Variants in SMAP1 observed in about 807,000 individuals in gnomAD.
The protein encoded by SMAP1 is small ArfGAP 1.
SMAP1 carries 24 observed loss-of-function variants against 58.5 expected under a neutral mutation model. The observed-to-expected ratio is 0.41, with a 90% CI of 0.30 to 0.58. SMAP1 has a LOEUF of 0.58. Ranked by LOEUF, SMAP1 falls within the 20% of genes least tolerant of loss-of-function variation. SMAP1 has a pLI of 0.29. For synonymous variants in SMAP1, 216 were observed against 196.6 expected (o/e 1.10, Z -0.82); for missense variants, 563 against 566.3 (o/e 0.99, Z 0.06).
intron 1 of SMAP1, among the ~76,000 whole-genome samples, chr6:70,702,372 G>A (rs1767665548): frequency 7.1e-6 from 1 of 141,258 alleles, no homozygotes. Flanking sequence ...GCAGAGCTCA[G>A]TTACATGCTT....
chr6:70,679,178 C>G (rs1260097513), intron 1 of SMAP1, among the ~76,000 whole-genome samples: 1 of 151,886 alleles, frequency 6.6e-6, no homozygotes, highest in African/African-American at 2.4e-5. Context: ...GCCACCACAC[C>G]CGCCTAATTT....
chr6:70,676,236 C>A lies in SMAP1; in HGVS notation c.118+8095C>A, dbSNP rs1033864129. On this transcript the variant is annotated intron_variant, in intron 1 of 10. Coordinates refer to ENST00000370455, the MANE Select transcript of SMAP1 (RefSeq NM_001044305.3). ...CAACTGTATATTGAATCTTTTGAAT[C>A]TTCTTAGCAAATTACTGAACATGAG... Among the ~76,000 whole-genome samples the A allele has an allele frequency of 3.9e-5, 6 of 152,152 alleles. No individual in the cohort carries two copies. The South Asian group carries it at 1.0e-3, about 26-fold the overall frequency.
intron 6 of SMAP1, among the ~76,000 whole-genome samples, chr6:70,835,562 G>A (rs1469244270): frequency 3.9e-5 from 6 of 152,076 alleles, no homozygotes; most frequent in Admixed American, 2.0e-4. Context: ...CTGGAACTGC[G>A]GTAGTGCAAT....
chr6:70,780,592 A>C (rs1240825744), intron 4 of SMAP1, among the ~76,000 whole-genome samples: 1 of 152,162 alleles, frequency 6.6e-6, no homozygotes, highest in Non-Finnish European at 1.5e-5. Context: ...AAAAAAGAAA[A>C]AGAGAAATCT....
In SMAP1 at chr6:70,798,719, A is replaced by G. The variant is rs1417994055; in HGVS notation, c.558A>G (p.Lys186=). ...KREKEPEKPA[K]PLTAEKLQKK... ...AAAAGGAGCCAGAAAAGCCGGCAAA[A>G]CCACTTACAGCTGAAAAGGTAAAAT... The change falls in exon 6 of 11, where the codon AAA becomes AAG. Residue 186 remains lysine (K), a synonymous_variant. Transcript: ENST00000370455. The G allele has an allele frequency of 6.4e-7, 1 of 1,563,322 alleles. No homozygotes were observed. Among genetic ancestry groups the G allele is most frequent in the East Asian group, 2.3e-5 (1 of 43,132 alleles).
intron 4 of SMAP1, among the ~76,000 whole-genome samples, chr6:70,776,577 A>G (rs967545525): frequency 6.6e-6 from 1 of 152,170 alleles, no homozygotes; most frequent in African/African-American, 2.4e-5. Flanking sequence ...CTATAATACT[A>G]CAGAACACTA....
At chr6:70,668,231 C>T in intron 1 of SMAP1, 90 bp downstream of exon 1, 1 of 1,220,280 alleles carries the variant, frequency 8.2e-7, no homozygotes, top group Non-Finnish European at 1.2e-6. Flanking sequence ...CGAGCGGACG[C>T]CTCGGCTTCG....
At chr6:70,676,554 C>T (rs866971025) in intron 1 of SMAP1, among the ~76,000 whole-genome samples, 85 of 152,188 alleles carry the variant, frequency 5.6e-4, no homozygotes, top group African/African-American at 2.0e-3. Flanking sequence ...GATAAAACAC[C>T]TGTTTTTGTT....
chr6:70,691,912 C>T (rs1471125389), intron 1 of SMAP1, among the ~76,000 whole-genome samples: 4 of 152,178 alleles, frequency 2.6e-5, no homozygotes, highest in Non-Finnish European at 4.4e-5. Flanking sequence ...AATAGTGCCA[C>T]AATAAACATG....
chr6:70,751,868 T>C lies in SMAP1; in HGVS notation c.253-3112T>C, dbSNP rs138594890. ...TAAAAAATAGAACTTAGTTTTTCTT[T>C]TAGACAAAAGTACATGTCACTTATC... On this transcript the variant is annotated intron_variant, in intron 2 of 10. Transcript: ENST00000370455. Among the ~76,000 whole-genome samples, 69 of 152,316 alleles carry C rather than the reference T, an allele frequency of 4.5e-4. 1 individual carries two copies. In the East Asian group the frequency reaches 0.012, roughly 27 times the overall value.
In SMAP1 at chr6:70,861,185, T is replaced by TTTTA. The variant is rs2150019066; in HGVS notation, c.*855_*858dup. 6.1e-6 allele frequency: 1 copy of TTTTA among 163,380 alleles called. No homozygotes were observed. Among genetic ancestry groups the TTTTA allele is most frequent in the Non-Finnish European group, 1.3e-5 (1 of 74,754 alleles). 10.1% of individuals were successfully genotyped at this position (163,380 alleles called of 1,614,324 possible). A position where few individuals can be genotyped will look rare whatever the true frequency, so the allele number is the denominator to read the frequency against. On this transcript the variant is annotated 3_prime_UTR_variant, in exon 11 of 11. Coordinates refer to ENST00000370455, the MANE Select transcript of SMAP1 (RefSeq NM_001044305.3). ...TCCATAGACCTTTTCATTTGTGGGT[T>TTTTA]TTTATTTCCTATGATGTATACTGCC...
chr6:70,828,367 A>C (rs1770224486), intron 6 of SMAP1, among the ~76,000 whole-genome samples: 1 of 152,202 alleles, frequency 6.6e-6, no homozygotes, highest in African/African-American at 2.4e-5. Flanking sequence ...TAATCAAGAT[A>C]GGTTAGTATT....
chr6:70,787,444 C>A (rs1206402443), intron 4 of SMAP1, among the ~76,000 whole-genome samples: 2 of 151,980 alleles, frequency 1.3e-5, no homozygotes, highest in Non-Finnish European at 2.9e-5. Context: ...CCAAAATTGA[C>A]AAATGGGATC....
At chr6:70,671,629 G>A (rs1007595803) in intron 1 of SMAP1, among the ~76,000 whole-genome samples, 2 of 152,056 alleles carry the variant, frequency 1.3e-5, no homozygotes, top group African/African-American at 4.8e-5. Flanking sequence ...CACATTGAGC[G>A]GTTTCTTCCC....
At chr6:70,684,818 C>T (rs929915793) in intron 1 of SMAP1, among the ~76,000 whole-genome samples, 2 of 152,116 alleles carry the variant, frequency 1.3e-5, no homozygotes, top group Non-Finnish European at 2.9e-5. Flanking sequence ...GGTTAGTAGT[C>T]ACTGCTCTTC....
intron 7 of SMAP1, among the ~76,000 whole-genome samples, chr6:70,841,904 G>C (rs192682791): frequency 4.7e-4 from 72 of 152,268 alleles, no homozygotes; most frequent in African/African-American, 1.6e-3. Context: ...CTTTCAAACA[G>C]AAGATTCCTA....
chr6:70,857,816 A>ATGTT, intron 9 of SMAP1, 106 bp from the exon 10 acceptor site: 1 of 1,253,234 alleles, frequency 8.0e-7, no homozygotes, highest in Non-Finnish European at 1.1e-6. Flanking sequence ...TGGAATTAAA[A>ATGTT]TGTTTGCTGT....
At chr6:70,813,714 T>C (rs555993860) in intron 6 of SMAP1, among the ~76,000 whole-genome samples, 3 of 142,602 alleles carry the variant, frequency 2.1e-5, no homozygotes, top group Non-Finnish European at 4.8e-5. Context: ...TATTTGTCTT[T>C]TAACATTTTT....
At chr6:70,803,682 C>G (rs926315096) in intron 6 of SMAP1, among the ~76,000 whole-genome samples, 18 of 152,194 alleles carry the variant, frequency 1.2e-4, no homozygotes, top group African/African-American at 4.1e-4. Context: ...CCCAGATATT[C>G]TGGTACGTTC....
Sources: gnomAD v4.1 joint callset for allele counts (sites outside exome capture counted in the v4.1 genomes callset) on GRCh38, gnomAD v4.1.1 for gene constraint, MANE v1.5 for transcripts, NCBI Gene and HGNC (gene_info 2026-07-23, HGNC 2026-07-21) for gene names.